The following PTPRD variants were observed in gnomAD, a reference collection of about 807,000 sequenced individuals.
The protein encoded by PTPRD is receptor-type tyrosine-protein phosphatase delta.
In PTPRD, 34 loss-of-function variants were observed where a neutral mutation model predicts 214.5. The ratio of observed to expected loss-of-function variants is 0.16; its 90% CI spans 0.12 to 0.21. The LOEUF (loss-of-function observed/expected upper bound fraction) is 0.21. Among genes scored for constraint, PTPRD ranks in the 10% least tolerant of loss-of-function variants. The pLI is 1.00. For missense variants in PTPRD, 2,545 were observed against 2,398.7 expected (o/e 1.06, Z -1.27); for synonymous variants, 1,128 against 845.7 (o/e 1.33, Z -5.79).
At chr9:10,513,320 A>C (rs1040312772) in intron 2 of PTPRD, among the ~76,000 whole-genome samples, 3 of 152,156 alleles carry the variant, frequency 2.0e-5, no homozygotes, top group African/African-American at 7.2e-5. Context: ...TAAGTGCAAC[A>C]GGACAAGCAG....
At chr9:9,859,192 T>G (rs894519453) in intron 5 of PTPRD, among the ~76,000 whole-genome samples, 25 of 152,210 alleles carry the variant, frequency 1.6e-4, no homozygotes, top group African/African-American at 5.3e-4. Flanking sequence ...TCTGCCGTGA[T>G]TGTAAGTTTC....
chr9:10,110,837 G>T (rs968257638), intron 3 of PTPRD, among the ~76,000 whole-genome samples: 1 of 152,166 alleles, frequency 6.6e-6, no homozygotes, highest in Non-Finnish European at 1.5e-5. Context: ...TTTATTATGA[G>T]ACTTAATTTC....
intron 11 of PTPRD, among the ~76,000 whole-genome samples, chr9:8,972,131 C>G (rs1450703342): frequency 1.3e-5 from 2 of 151,790 alleles, no homozygotes; most frequent in African/African-American, 4.8e-5. Flanking sequence ...ACCCAATGAC[C>G]AACTAACCTC....
At chr9:9,033,084 A>G (rs1157955385) in intron 10 of PTPRD, among the ~76,000 whole-genome samples, 1 of 152,132 alleles carries the variant, frequency 6.6e-6, no homozygotes, top group South Asian at 2.1e-4. Flanking sequence ...ATGCGTTTGT[A>G]TGCTGGGATG....
chr9:9,101,309 T>G (rs942914559), intron 10 of PTPRD, among the ~76,000 whole-genome samples: 1 of 152,170 alleles, frequency 6.6e-6, no homozygotes, highest in Non-Finnish European at 1.5e-5. Flanking sequence ...ATTAGGTAGA[T>G]AGTAGTTTCT....
intron 11 of PTPRD, among the ~76,000 whole-genome samples, chr9:8,744,610 G>T (rs1002388337): frequency 1.3e-5 from 2 of 152,170 alleles, no homozygotes; most frequent in Non-Finnish European, 2.9e-5. Context: ...GGATGCAAAG[G>T]CATAAAAATG....
At chr9:8,519,207 T>TA (rs1470831620) in intron 20 of PTPRD, among the ~76,000 whole-genome samples, 21 of 152,344 alleles carry the variant, frequency 1.4e-4, no homozygotes, top group African/African-American at 4.6e-4. Context: ...TAAGGTATGT[T>TA]ATGGTCATAT....
chr9:8,945,605 G>A (rs2099059324), intron 11 of PTPRD, among the ~76,000 whole-genome samples: 1 of 151,856 alleles, frequency 6.6e-6, no homozygotes. Context: ...ACTGGCAATT[G>A]ATTCAGATTC....
Position 9,786,760 on chromosome 9 carries a change from C to T in PTPRD, c.-367-19909G>A, listed in dbSNP as rs182872452. Among the ~76,000 whole-genome samples the T allele has an allele frequency of 8.5e-5, 13 of 152,134 alleles. No individual in the cohort carries two copies. In the East Asian group the frequency reaches 1.7e-3, roughly 20 times the overall value. On this transcript the variant is annotated intron_variant, in intron 5 of 45. Coordinates refer to ENST00000381196, the MANE Select transcript of PTPRD (RefSeq NM_002839.4). ...CATGTTGTGCACATGTACCCTAGAA[C>T]TTAAAGTATAATAAAAAAAAATCAC...
At chr9:9,912,524 T>A (rs377708604) in intron 5 of PTPRD, among the ~76,000 whole-genome samples, 1 of 152,190 alleles carries the variant, frequency 6.6e-6, no homozygotes, top group South Asian at 2.1e-4. Context: ...GCACATGTTT[T>A]GCCTCATCAC....
At chr9:10,400,361 C>A (rs1248165435) in intron 2 of PTPRD, among the ~76,000 whole-genome samples, 1 of 151,694 alleles carries the variant, frequency 6.6e-6, no homozygotes, top group Non-Finnish European at 1.5e-5. Flanking sequence ...CTAGTCAAGA[C>A]AAGTACTTTA....
At chr9:9,092,459 T>C (rs974667526) in intron 10 of PTPRD, among the ~76,000 whole-genome samples, 1 of 152,092 alleles carries the variant, frequency 6.6e-6, no homozygotes, top group African/African-American at 2.4e-5. Context: ...GCTACTATAT[T>C]ACTCTTATGC....
At chr9:9,358,945 C>A (rs2054920487) in intron 9 of PTPRD, among the ~76,000 whole-genome samples, 1 of 151,268 alleles carries the variant, frequency 6.6e-6, no homozygotes, top group Non-Finnish European at 1.5e-5. Context: ...GCTGTTTGGG[C>A]AGGGCTTCTA....
chr9:9,830,555 G>C (rs1366578053), intron 5 of PTPRD, among the ~76,000 whole-genome samples: 1 of 151,876 alleles, frequency 6.6e-6, no homozygotes, highest in Non-Finnish European at 1.5e-5. Flanking sequence ...CAAATGAGAA[G>C]TAGAGTTCAC....
At chr9:8,360,681 AT>A (rs1416398019) in intron 39 of PTPRD, among the ~76,000 whole-genome samples, 2 of 152,186 alleles carry the variant, frequency 1.3e-5, no homozygotes, top group African/African-American at 4.8e-5. Flanking sequence ...AATGTTGCTA[AT>A]TGATTAGCCA....
At chr9:10,413,194 C>A (rs1267895893) in intron 2 of PTPRD, among the ~76,000 whole-genome samples, 1 of 151,806 alleles carries the variant, frequency 6.6e-6, no homozygotes, top group Non-Finnish European at 1.5e-5. Flanking sequence ...TGACATGATT[C>A]TATATCTAGA....
chr9:9,738,212 C>T (rs553647310), intron 6 of PTPRD, among the ~76,000 whole-genome samples: 78 of 152,168 alleles, frequency 5.1e-4, no homozygotes, highest in Non-Finnish European at 9.4e-4. Context: ...TGTAACAAAC[C>T]TGCACGTTGT....
intron 11 of PTPRD, among the ~76,000 whole-genome samples, chr9:8,949,776 G>C (rs975754032): frequency 6.6e-6 from 1 of 152,118 alleles, no homozygotes; most frequent in African/African-American, 2.4e-5. Flanking sequence ...TTGTGGGATT[G>C]TTGTCTTCTA....
rs527794536 is a variant in PTPRD, at chr9:9,549,287, A to T, written c.-237+25445T>A. Among the ~76,000 whole-genome samples, 82 of 152,164 alleles carry T rather than the reference A, an allele frequency of 5.4e-4. 1 individual carries two copies. The highest frequency in any genetic ancestry group is 4.9e-3 in the Admixed American group (74 of 15,256). ...TATATTACACACACAGACACACACGACAAAGGACTTGTTTCCAGAATATAT... is the reference window on the plus strand; with the variant it reads ...TATATTACACACACAGACACACACGTCAAAGGACTTGTTTCCAGAATATAT... On this transcript the variant is annotated intron_variant, in intron 8 of 45. Coordinates refer to ENST00000381196, the MANE Select transcript of PTPRD (RefSeq NM_002839.4).
Sources: allele counts gnomAD v4.1 joint callset (sites outside exome capture counted in the v4.1 genomes callset), GRCh38; gene constraint gnomAD v4.1.1; transcripts MANE v1.5; gene names NCBI Gene and HGNC (gene_info 2026-07-23, HGNC 2026-07-21).